Variants in PZP observed in about 807,000 individuals in gnomAD.
The protein encoded by PZP is pregnancy zone protein.
In PZP, 150 loss-of-function variants were observed where a neutral mutation model predicts 179.8. That is an observed-to-expected ratio of 0.83 (90% CI 0.73 to 0.96). The LOEUF (loss-of-function observed/expected upper bound fraction) is 0.96, where lower values mean the gene tolerates loss of function less well. Among genes scored for constraint, PZP ranks in the 40% least tolerant of loss-of-function variants. PZP has a pLI of 0.00. For synonymous variants in PZP, 624 were observed against 652.3 expected, an observed-to-expected ratio of 0.96 and a Z score of 0.66; for missense variants, 1,689 against 1,764.0, an observed-to-expected ratio of 0.96 and a Z score of 0.76.
At chr12:9,172,992 A>G (rs1318307018) in intron 15 of PZP, among the ~76,000 whole-genome samples, 2 of 152,268 alleles carry the variant, frequency 1.3e-5, no homozygotes, top group Admixed American at 1.3e-4. Flanking sequence ...TGATATCTAC[A>G]GAACTCTCCA....
At chr12:9,171,670 G>GC (rs1325443125) in intron 15 of PZP, among the ~76,000 whole-genome samples, 3 of 152,166 alleles carry the variant, frequency 2.0e-5, no homozygotes, top group Non-Finnish European at 4.4e-5. Context: ...GCTGAAAACC[G>GC]CATCTCAAGA....
chr12:9,176,802 G>T (rs1942396688), intron 15 of PZP, among the ~76,000 whole-genome samples: 1 of 152,206 alleles, frequency 6.6e-6, no homozygotes, highest in Non-Finnish European at 1.5e-5. Context: ...TTCTATGCCA[G>T]TTCCACCATT....
chr12:9,151,972 C>T (rs1015628341), intron 32 of PZP, among the ~76,000 whole-genome samples: 1 of 152,056 alleles, frequency 6.6e-6, no homozygotes, highest in African/African-American at 2.4e-5. Context: ...TGTTTTGTGC[C>T]CATGTGCTTT....
intron 18 of PZP, among the ~76,000 whole-genome samples, chr12:9,165,659 G>T (rs1032340746): frequency 6.6e-6 from 1 of 152,098 alleles, no homozygotes; most frequent in Non-Finnish European, 1.5e-5. Context: ...CCTTGCTATT[G>T]TATAATCCCA....
At chr12:9,188,349 A>G (rs761874981) in intron 13 of PZP, among the ~76,000 whole-genome samples, 1 of 152,174 alleles carries the variant, frequency 6.6e-6, no homozygotes, top group Non-Finnish European at 1.5e-5. Flanking sequence ...CTCCCAATAA[A>G]CTAGATATTG....
chr12:9,180,212 C>T (rs1274826413), intron 15 of PZP, among the ~76,000 whole-genome samples: 1 of 152,068 alleles, frequency 6.6e-6, no homozygotes, highest in Non-Finnish European at 1.5e-5. Flanking sequence ...TATACATGTG[C>T]CATGCTGGTG....
chr12:9,178,698 G>C (rs903813341), intron 15 of PZP, among the ~76,000 whole-genome samples: 3 of 152,170 alleles, frequency 2.0e-5, no homozygotes, highest in African/African-American at 7.2e-5. Context: ...AGATGGAAAA[G>C]GCATTAAATT....
rs777593869 is a variant in PZP, at chr12:9,148,915, C to A, written c.*57G>T. On this transcript the variant is annotated 3_prime_UTR_variant, in exon 36 of 36. Transcript: ENST00000261336. Reference sequence around the variant, plus strand: ...TTTATAGAGACAAATAACTCCATTCCTTCTAAGTAAATGTATAGGACAGAG... The same window carrying A: ...TTTATAGAGACAAATAACTCCATTCATTCTAAGTAAATGTATAGGACAGAG... 6.0e-5 allele frequency: 88 copies of A among 1,460,892 alleles called. No individual in the cohort carries two copies. Among genetic ancestry groups the A allele is most frequent in the Middle Eastern group, 3.6e-4 (2 of 5,488 alleles). 90.5% of individuals were successfully genotyped at this position (1,460,892 alleles called of 1,614,324 possible). A position where few individuals can be genotyped will look rare whatever the true frequency, so the allele number is the denominator to read the frequency against.
intron 15 of PZP, among the ~76,000 whole-genome samples, chr12:9,174,277 TC>T (rs993781651): frequency 1.5e-4 from 23 of 152,040 alleles, no homozygotes; most frequent in African/African-American, 4.6e-4. Context: ...AAATTCAACA[TC>T]CCTTTATGTT....
intron 28 of PZP, among the ~76,000 whole-genome samples, chr12:9,155,704 C>G (rs1940702559): frequency 6.6e-6 from 1 of 152,012 alleles, no homozygotes; most frequent in Admixed American, 6.6e-5. Context: ...TTTAGACAAC[C>G]TCTATGACAT....
At position 9,169,541 on chromosome 12, in the gene PZP, C is replaced by T. The variant is rs1382266281; in HGVS notation, c.1890G>A (p.Val630=). The T allele has an allele frequency of 1.2e-6, 2 of 1,612,888 alleles. No individual in the cohort carries two copies. The highest frequency in any genetic ancestry group is 1.7e-6 in the Non-Finnish European group (2 of 1,179,498). The change falls in exon 16 of 36, where the codon GTG becomes GTA. Residue 630 remains valine, a synonymous_variant. Transcript: ENST00000261336. Reference sequence around the variant, plus strand: ...GTCCTTGTTCTTCCTCCTGCTGGTCCACATTGTCAGGAAAATTGGTGAGAT... The same window carrying T: ...GTCCTTGTTCTTCCTCCTGCTGGTCTACATTGTCAGGAAAATTGGTGAGAT... ...VKDLTNFPDN[V]DQQEEEQGHC...
At chr12:9,204,280 T>C (rs753290861) in intron 1 of PZP, among the ~76,000 whole-genome samples, 2 of 152,278 alleles carry the variant, frequency 1.3e-5, no homozygotes, top group Non-Finnish European at 2.9e-5. Flanking sequence ...TCTGAATTCT[T>C]GAATATATAT....
At chr12:9,195,983 A>C (rs1943751629) in intron 10 of PZP, among the ~76,000 whole-genome samples, 1 of 152,130 alleles carries the variant, frequency 6.6e-6, no homozygotes, top group African/African-American at 2.4e-5. Flanking sequence ...GACAGCCATA[A>C]ATGTTACAAA....
chr12:9,162,013 G>A (rs59566646), intron 22 of PZP, among the ~76,000 whole-genome samples: 2,086 of 152,140 alleles, frequency 0.014, 51 homozygotes, highest in African/African-American at 0.048. Flanking sequence ...CCAGGTTGGA[G>A]CGCAGTGGTG....
At chr12:9,181,234 T>A in intron 14 of PZP, 102 bp from the exon 15 acceptor site, 1 of 1,429,920 alleles carries the variant, frequency 7.0e-7, no homozygotes, top group Non-Finnish European at 9.5e-7. Flanking sequence ...TTCATATGAC[T>A]ATGTTGGTAA....
chr12:9,195,611 A>ATTTTTTTTTTTTTTTTTTTTTTTTTTTTT (rs11398106), intron 10 of PZP, among the ~76,000 whole-genome samples: 1 of 104,248 alleles, frequency 9.6e-6, no homozygotes, highest in Non-Finnish European at 1.9e-5. Flanking sequence ...CCCACTGCTA[A>ATTTTTTTTTTTTTTTTTTTTTTTTTTTTT]TTTTTTTTTT....
rs964503707 is a variant in PZP at position 9,163,633 on chromosome 12, C to T, written c.2736+35G>A. The T allele has an allele frequency of 2.5e-6, 4 of 1,607,982 alleles. No homozygotes were observed. In the African/African-American group the frequency reaches 4.0e-5, roughly 16 times the overall value. On this transcript the variant is annotated intron_variant, in intron 21 of 35. Transcript: ENST00000261336. ...AAGAGTGACCGCCCGGTGTTGCATT[C>T]TTACAGTTGTTAGGGACTCCCAAAA...
At chr12:9,202,811 TCAG>T in intron 2 of PZP, 127 bp from the exon 3 acceptor site, 1 of 895,168 alleles carries the variant, frequency 1.1e-6, no homozygotes, top group Non-Finnish European at 1.7e-6. Flanking sequence ...GACTATTTCT[TCAG>T]ACATAAGAGT....
At chr12:9,203,218 T>G (rs756998400) in intron 2 of PZP, among the ~76,000 whole-genome samples, 2 of 152,170 alleles carry the variant, frequency 1.3e-5, no homozygotes, top group African/African-American at 2.4e-5. Flanking sequence ...GCAATAGGAT[T>G]ATTATTTAGG....
Sources: allele counts gnomAD v4.1 joint callset (sites outside exome capture counted in the v4.1 genomes callset), GRCh38; gene constraint gnomAD v4.1.1; transcripts MANE v1.5; gene names NCBI Gene and HGNC (gene_info 2026-07-23, HGNC 2026-07-21).